The following CDH10 variants were observed in gnomAD, a reference collection of about 807,000 sequenced individuals.
The protein encoded by CDH10 is cadherin-10.
CDH10 carries 30 observed loss-of-function variants against 73.1 expected under a neutral mutation model. That is an observed-to-expected ratio of 0.41 (90% confidence interval 0.31 to 0.56). The LOEUF is 0.56. Ranked by LOEUF, CDH10 falls within the 20% of genes least tolerant of loss-of-function variation. The pLI, the probability that CDH10 is intolerant of heterozygous loss-of-function variation, is 0.27. For missense variants in CDH10, 815 were observed against 973.7 expected (o/e 0.84, Z 2.17); for synonymous variants, 345 against 348.2 (o/e 0.99, Z 0.10).
At chr5:24,546,726 A>AT (rs896001539) in intron 2 of CDH10, among the ~76,000 whole-genome samples, 4 of 152,046 alleles carry the variant, frequency 2.6e-5, no homozygotes, top group Non-Finnish European at 2.9e-5. Context: ...TATTTTTGTA[A>AT]TTTTTTCTGA....
intron 9 of CDH10, among the ~76,000 whole-genome samples, chr5:24,497,199 T>C (rs1221214447): frequency 6.6e-6 from 1 of 152,172 alleles, no homozygotes; most frequent in Non-Finnish European, 1.5e-5. Context: ...TGTAAATCAG[T>C]ATTTATAATG....
At chr5:24,548,851 A>G (rs1744440681) in intron 2 of CDH10, among the ~76,000 whole-genome samples, 1 of 152,166 alleles carries the variant, frequency 6.6e-6, no homozygotes, top group Non-Finnish European at 1.5e-5. Flanking sequence ...GGGGATTAAT[A>G]TACAAGAATA....
intron 5 of CDH10, among the ~76,000 whole-genome samples, chr5:24,523,375 T>A (rs548054494): frequency 6.6e-6 from 1 of 152,208 alleles, no homozygotes; most frequent in East Asian, 1.9e-4. Flanking sequence ...CATACATACA[T>A]GCATTTAATA....
chr5:24,570,391 G>A (rs1745332980), intron 2 of CDH10, among the ~76,000 whole-genome samples: 1 of 152,002 alleles, frequency 6.6e-6, no homozygotes. Flanking sequence ...GCCTAGTTCC[G>A]TTAGTGTCGG....
At chr5:24,545,034 T>C (rs747281888) in intron 2 of CDH10, among the ~76,000 whole-genome samples, 2 of 152,184 alleles carry the variant, frequency 1.3e-5, no homozygotes, top group African/African-American at 4.8e-5. Context: ...CCTTCTAAGT[T>C]CTTAAGTGGT....
intron 6 of CDH10, among the ~76,000 whole-genome samples, chr5:24,510,378 A>C (rs560859137): frequency 2.2e-4 from 34 of 152,362 alleles, no homozygotes; most frequent in African/African-American, 7.7e-4. Flanking sequence ...TTTGGTAAAT[A>C]GGTTACATGT....
Position 24,593,251 on chromosome 5 carries a change from C to T in CDH10, c.231+9G>A, listed in dbSNP as rs748255971. ...AATATAAACACGTGCCATTTTAACA[C>T]AAGCTTACCTTGCCTACGTACTGAT... On this transcript the variant is annotated intron_variant, in intron 2 of 11. Transcript: ENST00000264463. 1.3e-6 allele frequency: 2 copies of T among 1,490,254 alleles called. No homozygotes were observed. The highest frequency in any genetic ancestry group is 2.3e-5 in the South Asian group (2 of 88,212). 92.3% of individuals were successfully genotyped at this position (1,490,254 alleles called of 1,614,324 possible).
chr5:24,637,779 T>A (rs773981414), intron 1 of CDH10, among the ~76,000 whole-genome samples: 4 of 151,924 alleles, frequency 2.6e-5, no homozygotes, highest in Non-Finnish European at 5.9e-5. Flanking sequence ...TGATTGTGAA[T>A]TTTGAATTCA....
chr5:24,513,410 G>A (rs1203224805), intron 5 of CDH10, among the ~76,000 whole-genome samples: 1 of 152,026 alleles, frequency 6.6e-6, no homozygotes, highest in Non-Finnish European at 1.5e-5. Flanking sequence ...CTGAGAAAAT[G>A]ACACTGTTCA....
intron 9 of CDH10, among the ~76,000 whole-genome samples, chr5:24,497,660 T>G (rs1046586871): frequency 6.6e-6 from 1 of 152,186 alleles, no homozygotes; most frequent in African/African-American, 2.4e-5. Flanking sequence ...TCGTGATGGT[T>G]CCTTTTTTTA....
rs149466992 is a variant in CDH10, at chr5:24,487,800, T to C, written c.2230A>G (p.Ile744Val). ...TCTAATGAACTCAGAGATTCAGCAA[T>C]GGAATCATTTCCTTCATAGGCATAG... ...ATYAYEGNDS[I>V]AESLSSLESG... Residue 744 changes from isoleucine (I) to valine (V), a missense_variant, in exon 12 of 12, where the codon ATT becomes GTT. Physicochemically the swap from Ile to Val is conservative, Grantham distance 29. Around this residue, in one of 3 missense-constraint regions of CDH10, gnomAD observed 241 missense variants for 240.3 expected, o/e 1.00. Transcript: ENST00000264463. 8.7e-6 allele frequency: 14 copies of C among 1,613,866 alleles called. No homozygotes were observed. In the African/African-American group the frequency reaches 1.7e-4, roughly 20 times the overall value.
At chr5:24,611,631 C>A (rs1402420356) in intron 1 of CDH10, among the ~76,000 whole-genome samples, 1 of 151,928 alleles carries the variant, frequency 6.6e-6, no homozygotes, top group Non-Finnish European at 1.5e-5. Flanking sequence ...TTAAGAGGGT[C>A]CCCCACCAAT....
At chr5:24,624,426 G>A (rs555127157) in intron 1 of CDH10, among the ~76,000 whole-genome samples, 1 of 152,152 alleles carries the variant, frequency 6.6e-6, no homozygotes, top group South Asian at 2.1e-4. Flanking sequence ...CTAAGAGATA[G>A]GAAAATTTAA....
intron 5 of CDH10, among the ~76,000 whole-genome samples, chr5:24,516,176 T>C (rs927581835): frequency 3.3e-5 from 5 of 152,182 alleles, no homozygotes; most frequent in Non-Finnish European, 7.3e-5. Flanking sequence ...AGATTAAAGT[T>C]ATGCATTTTT....
At chr5:24,553,882 C>G (rs1417291672) in intron 2 of CDH10, 2 of 151,878 alleles carry the variant, frequency 1.3e-5, no homozygotes. Context: ...ATGCCTCTGC[C>G]TTTGGAACTT....
At chr5:24,551,287 T>A (rs1295990318) in intron 2 of CDH10, among the ~76,000 whole-genome samples, 1 of 152,168 alleles carries the variant, frequency 6.6e-6, no homozygotes, top group Non-Finnish European at 1.5e-5. Flanking sequence ...TATGTTTATA[T>A]TTTATTATTC....
intron 2 of CDH10, among the ~76,000 whole-genome samples, chr5:24,577,018 AC>A (rs1246300347): frequency 7.7e-5 from 11 of 142,958 alleles, no homozygotes; most frequent in Admixed American, 7.1e-4. Context: ...AAAAAAAAAA[AC>A]CCAAACTGAG....
intron 2 of CDH10, among the ~76,000 whole-genome samples, chr5:24,560,401 T>C (rs888651519): frequency 3.9e-5 from 6 of 152,102 alleles, no homozygotes; most frequent in Non-Finnish European, 5.9e-5. Context: ...TTCCACTTCT[T>C]ACTATTTCCT....
chr5:24,500,799 T>C (rs1366065650), intron 8 of CDH10, among the ~76,000 whole-genome samples: 1 of 152,216 alleles, frequency 6.6e-6, no homozygotes, highest in Non-Finnish European at 1.5e-5. Context: ...CTTTCTTATG[T>C]TACTTAAAAA....
Sources: gnomAD v4.1 joint callset for allele counts (sites outside exome capture counted in the v4.1 genomes callset) on GRCh38, gnomAD v4.1.1 for gene constraint, gnomAD v4.1.1 regional missense constraint, MANE v1.5 for transcripts, NCBI Gene and HGNC (gene_info 2026-07-23, HGNC 2026-07-21) for gene names.